CATSPERB: variants seen among roughly 807,000 people sequenced by gnomAD.
CATSPERB encodes the protein catsper channel auxiliary subunit beta.
CATSPERB carries 93 observed loss-of-function variants against 128.3 expected under a neutral mutation model. That is an observed-to-expected ratio of 0.72 (90% CI 0.61 to 0.86). The LOEUF is 0.86. CATSPERB is among the 40% of genes least tolerant of loss of function. The probability of loss-of-function intolerance (pLI) is 0.00; values close to 1 mark genes in which losing one functional copy is unlikely to be tolerated. For missense variants in CATSPERB, 1,153 were observed against 1,329.5 expected (o/e 0.87, Z 2.06); for synonymous variants, 381 against 448.8 (o/e 0.85, Z 1.91).
intron 7 of CATSPERB, among the ~76,000 whole-genome samples, chr14:91,698,132 G>A (rs1243926597): frequency 2.0e-5 from 3 of 152,040 alleles, no homozygotes; most frequent in African/African-American, 7.2e-5. Flanking sequence ...TGTGTGTGGT[G>A]GGGGGTATTG....
In CATSPERB at chr14:91,693,173, G is replaced by T; in HGVS notation, c.784C>A (p.Leu262Ile). 1 of 1,613,806 alleles carries T rather than the reference G, an allele frequency of 6.2e-7. No individual in the cohort carries two copies. The highest frequency in any genetic ancestry group is 8.5e-7 in the Non-Finnish European group (1 of 1,179,872). ...HFLVILTSLG[L>I]FVSEDLRYPS... ...TAACGAAGATCTTCACTTACAAAAA[G>T]GCCCAAAGAGGTGAGGATAACTAAA... The change falls in exon 9 of 27, where the codon CTT becomes ATT. Residue 262 changes from leucine (L) to isoleucine (I), a missense_variant. Transcript: ENST00000256343.
intron 11 of CATSPERB, 51 bp from the exon 12 acceptor site, chr14:91,674,273 A>C (rs772111179): frequency 1.8e-6 from 2 of 1,142,522 alleles, no homozygotes; most frequent in South Asian, 2.7e-5. Flanking sequence ...CTGTATTTCT[A>C]AAACTGGAAG....
intron 2 of CATSPERB, among the ~76,000 whole-genome samples, chr14:91,726,685 T>C (rs1004610543): frequency 1.3e-5 from 2 of 152,162 alleles, no homozygotes; most frequent in Non-Finnish European, 2.9e-5. Flanking sequence ...AGAAGAACTG[T>C]AGATGAGAGA....
At chr14:91,649,321 G>C (rs1894662032) in intron 15 of CATSPERB, among the ~76,000 whole-genome samples, 1 of 98,924 alleles carries the variant, frequency 1.0e-5, no homozygotes, top group Non-Finnish European at 2.0e-5. Context: ...AAACTTAAAT[G>C]TATACATATA....
intron 15 of CATSPERB, among the ~76,000 whole-genome samples, chr14:91,645,792 C>T (rs1168169486): frequency 4.7e-5 from 7 of 147,872 alleles, no homozygotes; most frequent in Admixed American, 1.3e-4. Context: ...CAATGGTGGG[C>T]GCCCCTCCCC....
At chr14:91,689,033 T>G (rs1027034032) in intron 10 of CATSPERB, among the ~76,000 whole-genome samples, 5 of 152,188 alleles carry the variant, frequency 3.3e-5, no homozygotes, top group Non-Finnish European at 7.3e-5. Context: ...ACAATTGGAA[T>G]AATAGATGGC....
intron 12 of CATSPERB, among the ~76,000 whole-genome samples, chr14:91,673,667 G>A (rs1214971648): frequency 5.9e-5 from 9 of 152,118 alleles, no homozygotes; most frequent in Admixed American, 3.9e-4. Context: ...GGTGGGTCAC[G>A]AGGTCAAGAG....
At chr14:91,661,531 AT>A (rs1894884710) in intron 14 of CATSPERB, among the ~76,000 whole-genome samples, 2 of 145,406 alleles carry the variant, frequency 1.4e-5, no homozygotes, top group Non-Finnish European at 3.0e-5. Context: ...TATCATATAT[AT>A]ATATATATAT....
At chr14:91,672,104 T>A (rs949403395) in intron 13 of CATSPERB, among the ~76,000 whole-genome samples, 1 of 152,194 alleles carries the variant, frequency 6.6e-6, no homozygotes, top group Non-Finnish European at 1.5e-5. Context: ...GAGTTTCCCA[T>A]GTGTGCACAC....
At chr14:91,707,012 G>A (rs999572922) in intron 6 of CATSPERB, among the ~76,000 whole-genome samples, 2 of 152,094 alleles carry the variant, frequency 1.3e-5, no homozygotes, top group Non-Finnish European at 2.9e-5. Context: ...TCTCTACATA[G>A]CAGCCAAAAT....
chr14:91,625,834 A>G (rs2139791873), intron 17 of CATSPERB, among the ~76,000 whole-genome samples: 1 of 152,352 alleles, frequency 6.6e-6, no homozygotes, highest in Non-Finnish European at 1.5e-5. Context: ...CATCACAAAA[A>G]TTAACTCTAG....
intron 14 of CATSPERB, among the ~76,000 whole-genome samples, chr14:91,666,229 C>T (rs144981228): frequency 1.4e-4 from 21 of 152,338 alleles, no homozygotes; most frequent in Non-Finnish European, 2.6e-4. Flanking sequence ...CAGCAAGGAA[C>T]GAATACAGCC....
At chr14:91,600,745 TTAACATGG>T (rs1893595186) in intron 22 of CATSPERB, among the ~76,000 whole-genome samples, 1 of 152,182 alleles carries the variant, frequency 6.6e-6, no homozygotes, top group Non-Finnish European at 1.5e-5. Flanking sequence ...ATAGTATACT[TTAACATGG>T]TAAAAAGATC....
chr14:91,651,206 G>A (rs923129046), intron 15 of CATSPERB, among the ~76,000 whole-genome samples: 4 of 152,306 alleles, frequency 2.6e-5, no homozygotes, highest in South Asian at 2.1e-4. Flanking sequence ...GAAGGAGACA[G>A]AAGTTAAGGT....
chr14:91,711,662 T>A (rs1305487030), intron 5 of CATSPERB, among the ~76,000 whole-genome samples: 1 of 152,194 alleles, frequency 6.6e-6, no homozygotes, highest in Non-Finnish European at 1.5e-5. Context: ...TATCAATATC[T>A]GACAAAGGAG....
intron 11 of CATSPERB, among the ~76,000 whole-genome samples, chr14:91,683,034 T>C (rs1415778967): frequency 6.6e-6 from 1 of 152,190 alleles, no homozygotes; most frequent in Non-Finnish European, 1.5e-5. Flanking sequence ...CTTCTCCCAA[T>C]AACGGATTGG....
At chr14:91,668,081 A>G (rs1474840289) in intron 14 of CATSPERB, among the ~76,000 whole-genome samples, 1 of 152,122 alleles carries the variant, frequency 6.6e-6, no homozygotes, top group Non-Finnish European at 1.5e-5. Context: ...CTACAACTGC[A>G]GGGCCCTTTC....
rs866325018 is a variant in CATSPERB at position 91,642,723 on chromosome 14, T to C, written c.1433-3473A>G. 6.9e-3 allele frequency among the ~76,000 whole-genome samples: 951 copies of C among 136,972 alleles called. 9 individuals are homozygous for C. Among genetic ancestry groups the C allele is most frequent in the Middle Eastern group, 0.031 (8 of 260 alleles). 89.9% of individuals were successfully genotyped at this position (136,972 alleles called of 152,430 possible). A position where few individuals can be genotyped will look rare whatever the true frequency, so the allele number is the denominator to read the frequency against. The stretch of plus-strand genomic sequence containing the variant: ...TGGTATCAGAAGGATGCTGGCCTCA[T>C]AAAATGAGTTAGGGAGGATTCCCTC... On this transcript the variant is annotated intron_variant, in intron 15 of 26. Transcript: ENST00000256343.
intron 10 of CATSPERB, among the ~76,000 whole-genome samples, chr14:91,688,972 G>A (rs1895420907): frequency 6.6e-6 from 1 of 152,196 alleles, no homozygotes; most frequent in Non-Finnish European, 1.5e-5. Flanking sequence ...TACCTTAAGT[G>A]TGCTTTGAAG....
Sources: allele counts gnomAD v4.1 joint callset (sites outside exome capture counted in the v4.1 genomes callset), GRCh38; gene constraint gnomAD v4.1.1; transcripts MANE v1.5; gene names NCBI Gene and HGNC (gene_info 2026-07-23, HGNC 2026-07-21).